Variants in USP8 observed in about 807,000 individuals in gnomAD.
USP8 encodes ubiquitin carboxyl-terminal hydrolase 8.
USP8 carries 27 observed loss-of-function variants against 130.0 expected under a neutral mutation model. The ratio of observed to expected loss-of-function variants is 0.21; its 90% CI spans 0.15 to 0.29. The LOEUF (loss-of-function observed/expected upper bound fraction) is 0.29. USP8 is among the 10% of genes least tolerant of loss of function. The pLI is 1.00. For synonymous variants in USP8, 392 were observed against 444.1 expected, an observed-to-expected ratio of 0.88 and a Z score of 1.48; for missense variants, 1,029 against 1,312.2, an observed-to-expected ratio of 0.78 and a Z score of 3.33.
Position 50,512,793 on chromosome 15 carries a change from AAAAC to A in USP8, c.*13713_*13716del, listed in dbSNP as rs147726912. 28,048 of 152,034 alleles carry A rather than the reference AAAAC, an allele frequency of 0.18. 3,305 individuals are homozygous for A. The highest frequency in any genetic ancestry group is 0.46 in the East Asian group (2,365 of 5,134). The allele number at this position is 152,034 out of a possible 1,614,324, so 9.4% of individuals were successfully genotyped here. A position where few individuals can be genotyped will look rare whatever the true frequency, so the allele number is the denominator to read the frequency against. On this transcript the variant is annotated 3_prime_UTR_variant, in exon 20 of 20. Coordinates refer to ENST00000307179, the MANE Select transcript of USP8 (RefSeq NM_005154.5). ...GGCGACAGAGCCAGACTCTGTCTCA[AAAAC>A]AAACAAAACAAAAACAACAAAAAAC...
At chr15:50,493,691 G>A (rs746678776) in intron 15 of USP8, 109 of 371,106 alleles carry the variant, frequency 2.9e-4, no homozygotes, top group Non-Finnish European at 5.1e-4. Flanking sequence ...GCTGCAGTGA[G>A]CCGTGATTGT....
At chr15:50,461,796 T>C (rs886820654) in intron 5 of USP8, among the ~76,000 whole-genome samples, 3 of 151,316 alleles carry the variant, frequency 2.0e-5, no homozygotes, top group Admixed American at 6.6e-5. Context: ...GAGGTTGCAG[T>C]GTGCCAAGAT....
intron 16 of USP8, among the ~76,000 whole-genome samples, chr15:50,494,507 TA>T (rs2052297637): frequency 6.6e-6 from 1 of 152,242 alleles, no homozygotes; most frequent in Non-Finnish European, 1.5e-5. Flanking sequence ...TTGCAAATGT[TA>T]AAATAGTTAT....
chr15:50,464,932 C>A, intron 6 of USP8, 115 bp from the exon 7 acceptor site: 2 of 1,018,158 alleles, frequency 2.0e-6, no homozygotes, highest in Non-Finnish European at 2.8e-6. Context: ...ATGTGGCATC[C>A]ATATATATTC....
Position 50,505,262 on chromosome 15 carries a change from G to A in USP8, c.*6174G>A, listed in dbSNP as rs999960607. 2 of 152,054 alleles carry A rather than the reference G, an allele frequency of 1.3e-5. No individual in the cohort carries two copies. The highest frequency in any genetic ancestry group is 4.8e-5 in the African/African-American group (2 of 41,396). 9.4% of individuals were successfully genotyped at this position (152,054 alleles called of 1,614,324 possible). ...AATACTGCAGAACAACAGAGACAAA[G>A]AGAAAAAGCTTAAAAGCAACCAGAA... On this transcript the variant is annotated 3_prime_UTR_variant, in exon 20 of 20. Transcript: ENST00000307179.
At chr15:50,461,080 C>T (rs2050982614) in intron 5 of USP8, among the ~76,000 whole-genome samples, 2 of 151,970 alleles carry the variant, frequency 1.3e-5, no homozygotes, top group South Asian at 2.1e-4. Flanking sequence ...GCAACCTCCA[C>T]CTCCCAGGTT....
rs2052655736 is a variant in USP8 at position 50,506,197 on chromosome 15, A to G, written c.*7109A>G. ...AGCAGCAAGAACAACAGGGGAAAAC[A>G]ACACAGCAGAGGTCCCCAACCCCCC... On this transcript the variant is annotated 3_prime_UTR_variant, in exon 20 of 20. Coordinates refer to ENST00000307179, the MANE Select transcript of USP8 (RefSeq NM_005154.5). The G allele has an allele frequency of 6.6e-6, 1 of 152,434 alleles. No homozygotes were observed. The highest frequency in any genetic ancestry group is 2.1e-4 in the South Asian group (1 of 4,834). The allele number at this position is 152,434 out of a possible 1,614,324, so 9.4% of individuals were successfully genotyped here. A position where few individuals can be genotyped will look rare whatever the true frequency, so the allele number is the denominator to read the frequency against.
At chr15:50,479,767 C>CT (rs994707113) in intron 10 of USP8, among the ~76,000 whole-genome samples, 57 of 147,912 alleles carry the variant, frequency 3.9e-4, no homozygotes, top group Middle Eastern at 3.4e-3. Flanking sequence ...TTTTTCTTTT[C>CT]TTTTTTTTTT....
intron 1 of USP8, 96 bp downstream of exon 1, chr15:50,424,610 G>T (rs1021155471): frequency 2.5e-5 from 10 of 397,404 alleles, no homozygotes; most frequent in Non-Finnish European, 4.0e-5. Flanking sequence ...TGGTTACCCC[G>T]GAGACAAGCT....
chr15:50,495,994 G>A lies in USP8; in HGVS notation c.2805G>A (p.Gln935=). Residue 935 remains glutamine (Q), a synonymous_variant, in exon 17 of 20, where the codon CAG becomes CAA. Coordinates refer to ENST00000307179, the MANE Select transcript of USP8 (RefSeq NM_005154.5). The part of the protein sequence containing the change: ...LFQGQFKSTV[Q]CLTCHKKSRT... ...AGGGTCAATTCAAATCTACAGTACA[G>A]TGCCTCACATGTCACAAAAAGTCTA... 1 of 1,613,940 alleles carries A rather than the reference G, an allele frequency of 6.2e-7. No individual in the cohort carries two copies. The highest frequency in any genetic ancestry group is 8.5e-7 in the Non-Finnish European group (1 of 1,180,022).
At chr15:50,471,928 TCTCA>T in intron 8 of USP8, 133 bp downstream of exon 8, 1 of 973,702 alleles carries the variant, frequency 1.0e-6, no homozygotes, top group Non-Finnish European at 1.5e-6. Context: ...TGAGACTGAG[TCTCA>T]CTCTGTTGCC....
At chr15:50,428,203 G>A (rs867973163) in intron 1 of USP8, among the ~76,000 whole-genome samples, 23 of 151,938 alleles carry the variant, frequency 1.5e-4, no homozygotes, top group Non-Finnish European at 2.4e-4. Flanking sequence ...TGCACCCTCC[G>A]TCTGATGGGT....
At chr15:50,469,702 C>T (rs1474114053) in intron 7 of USP8, among the ~76,000 whole-genome samples, 2 of 152,238 alleles carry the variant, frequency 1.3e-5, no homozygotes, top group Non-Finnish European at 2.9e-5. Flanking sequence ...CAGTCCGGCC[C>T]AGCTTGCCAG....
At chr15:50,468,029 G>A (rs2051248542) in intron 7 of USP8, among the ~76,000 whole-genome samples, 1 of 151,496 alleles carries the variant, frequency 6.6e-6, no homozygotes, top group Admixed American at 6.6e-5. Context: ...CCACCTCCCG[G>A]GTTCAAGAGA....
intron 4 of USP8, among the ~76,000 whole-genome samples, chr15:50,451,866 T>C (rs1241488497): frequency 6.6e-6 from 1 of 152,234 alleles, no homozygotes; most frequent in Non-Finnish European, 1.5e-5. Context: ...GGGTATATGC[T>C]CTCTAGGTTT....
chr15:50,496,494 A>C lies in USP8; in HGVS notation c.2895+410A>C, dbSNP rs899814499. Among the ~76,000 whole-genome samples, 81 of 152,098 alleles carry C rather than the reference A, an allele frequency of 5.3e-4. No homozygotes were observed. In the South Asian group the frequency reaches 0.016, roughly 30 times the overall value. On this transcript the variant is annotated intron_variant, in intron 17 of 19. Coordinates refer to ENST00000307179, the MANE Select transcript of USP8 (RefSeq NM_005154.5). The stretch of plus-strand genomic sequence containing the variant: ...AGACTCCGTCTTAAAAAAAAAAAAA[A>C]AAAAAACCTTTTATCAGTAAAACTC...
chr15:50,450,138 G>A lies in USP8; in HGVS notation c.335+653G>A, dbSNP rs147738168. On this transcript the variant is annotated intron_variant, in intron 4 of 19. Coordinates refer to ENST00000307179, the MANE Select transcript of USP8 (RefSeq NM_005154.5). ...TCGAGCTCCTGACCTCAAGTGATCC[G>A]CCCGCCTCAGCCTCCCAAAGTGCTG... Among the ~76,000 whole-genome samples the A allele has an allele frequency of 5.8e-3, 874 of 149,844 alleles. 8 individuals are homozygous for A. The highest frequency in any genetic ancestry group is 0.021 in the African/African-American group (836 of 40,766).
intron 18 of USP8, 59 bp from the exon 19 acceptor site, chr15:50,498,537 A>G: frequency 6.7e-7 from 1 of 1,501,590 alleles, no homozygotes; most frequent in Non-Finnish European, 8.9e-7. Context: ...ATGTTAATGA[A>G]TGAGGATTCA....
chr15:50,445,271 C>T (rs113366264), intron 3 of USP8, among the ~76,000 whole-genome samples: 126 of 151,734 alleles, frequency 8.3e-4, no homozygotes, highest in African/African-American at 2.9e-3. Flanking sequence ...TTAGGCTGGG[C>T]GCAATGGCTC....
Sources: allele counts gnomAD v4.1 joint callset (sites outside exome capture counted in the v4.1 genomes callset), GRCh38; gene constraint gnomAD v4.1.1; transcripts MANE v1.5; gene names NCBI Gene and HGNC (gene_info 2026-07-23, HGNC 2026-07-21).